Variants in SEC31B observed in about 807,000 individuals in gnomAD.
The protein encoded by SEC31B is protein transport protein Sec31B.
Under a neutral mutation model 135.0 loss-of-function variants are expected in SEC31B, and 113 were observed. The observed-to-expected ratio is 0.84, with a 90% confidence interval of 0.72 to 0.98. The LOEUF is 0.98. SEC31B is among the 50% of genes least tolerant of loss of function. The pLI is 0.00. For synonymous variants in SEC31B, 508 were observed against 549.4 expected (o/e 0.92, Z 1.05); for missense variants, 1,296 against 1,421.1 (o/e 0.91, Z 1.42).
At chr10:100,497,620 A>C (rs1851437164) in intron 16 of SEC31B, 47 bp downstream of exon 16, 12 of 1,613,800 alleles carry the variant, frequency 7.4e-6, no homozygotes, top group African/African-American at 1.3e-5. Context: ...CTTTGACTCC[A>C]TGCTGGAGTC....
rs1262122659 is a variant in SEC31B, at chr10:100,490,174, A to G, written c.2799T>C (p.Thr933=). ...GAGGAAGCAGAGGGAACAGTCTAGG[A>G]GTCTCAGGCAGGGAGGTAGAGCCAG... is the stretch of plus-strand genomic sequence containing the variant. ...MRPGSTSLPE[T]PRLFPLLPLR... is the part of the protein sequence containing the mutation. The change falls in exon 21 of 26, where the codon ACT becomes ACC. Residue 933 remains threonine, a synonymous_variant. Coordinates refer to ENST00000370345, the MANE Select transcript of SEC31B (RefSeq NM_015490.4). The G allele has an allele frequency of 2.5e-6, 4 of 1,607,006 alleles. No homozygotes were observed. The highest frequency in any genetic ancestry group is 3.3e-4 in the Middle Eastern group (2 of 6,018).
intron 11 of SEC31B, 39 bp from the exon 12 acceptor site, chr10:100,499,637 G>A: frequency 7.0e-7 from 1 of 1,420,760 alleles, no homozygotes; most frequent in Non-Finnish European, 9.8e-7. Context: ...TCCATTAAAT[G>A]AACATAAATG....
chr10:100,489,590 G>A, intron 22 of SEC31B, 113 bp downstream of exon 22: 5 of 1,488,630 alleles, frequency 3.4e-6, no homozygotes, highest in Non-Finnish European at 4.6e-6. Context: ...AGAGTAAGTG[G>A]GAGGAGGGCG....
chr10:100,516,510 G>A (rs886471256), intron 2 of SEC31B, among the ~76,000 whole-genome samples: 5 of 151,954 alleles, frequency 3.3e-5, no homozygotes, highest in Non-Finnish European at 5.9e-5. Flanking sequence ...TTAGCCAGAT[G>A]TGGTGGTGGG....
Position 100,498,740 on chromosome 10 carries a change from T to C in SEC31B, c.1649A>G (p.Gln550Arg). Reference protein sequence around the residue: ...SSAFFDELVPQNMTPWEIPIT... With the variant: ...SSAFFDELVPRNMTPWEIPIT... ...GGGGATCTCCCAAGGAGTCATGTTC[T>C]GAGGGACCAGCTCATCAAAGAAGGC... Residue 550 changes from glutamine (Q) to arginine (R), a missense_variant, in exon 14 of 26, where the codon CAG becomes CGG. Coordinates refer to ENST00000370345, the MANE Select transcript of SEC31B (RefSeq NM_015490.4). 1 of 1,613,878 alleles carries C rather than the reference T, an allele frequency of 6.2e-7. No individual in the cohort carries two copies. Among genetic ancestry groups the C allele is most frequent in the Non-Finnish European group, 8.5e-7 (1 of 1,179,848 alleles).
intron 5 of SEC31B, chr10:100,508,421 G>A (rs530012735): frequency 1.6e-4 from 79 of 487,736 alleles, no homozygotes; most frequent in African/African-American, 1.5e-3. Context: ...GAGGCCGAGA[G>A]AAAAACCACA....
intron 15 of SEC31B, 23 bp from the exon 16 acceptor site, chr10:100,497,816 G>A (rs373534944): frequency 1.2e-6 from 2 of 1,614,106 alleles, no homozygotes; most frequent in African/African-American, 1.3e-5. Context: ...GAGAGGGAAA[G>A]AGACCATCAG....
chr10:100,504,090 G>C (rs1052313410), intron 10 of SEC31B, among the ~76,000 whole-genome samples: 6 of 152,132 alleles, frequency 3.9e-5, no homozygotes, highest in Admixed American at 6.5e-5. Context: ...TTAATTTTCT[G>C]GGCAGGCATC....
intron 19 of SEC31B, among the ~76,000 whole-genome samples, chr10:100,492,628 T>C (rs1257678010): frequency 1.3e-5 from 2 of 152,156 alleles, no homozygotes; most frequent in African/African-American, 4.8e-5. Flanking sequence ...AAACTATCTA[T>C]TTGCAGATTT....
At chr10:100,512,845 T>G (rs1027293928) in intron 3 of SEC31B, among the ~76,000 whole-genome samples, 3 of 152,252 alleles carry the variant, frequency 2.0e-5, no homozygotes, top group Non-Finnish European at 4.4e-5. Flanking sequence ...AGAAGTTATC[T>G]GGTACAATCT....
In SEC31B at chr10:100,489,978, A is replaced by G. The variant is rs557857093; in HGVS notation, c.2965+30T>C. 2.3e-5 allele frequency: 36 copies of G among 1,533,226 alleles called. No homozygotes were observed. In the East Asian group the frequency reaches 7.4e-4, roughly 32 times the overall value. The allele number at this position is 1,533,226 out of a possible 1,614,324, so 95.0% of individuals were successfully genotyped here. ...AGAGGAGCAGGGGAGGCAATAACCC[A>G]GAAGAGGGATCCATGGAAGGAAGAC... On this transcript the variant is annotated intron_variant, in intron 21 of 25. Transcript: ENST00000370345.
intron 21 of SEC31B, 73 bp downstream of exon 21, chr10:100,489,935 A>G (rs1392979465): frequency 2.0e-6 from 3 of 1,530,702 alleles, no homozygotes; most frequent in Non-Finnish European, 1.8e-6. Context: ...GACTTGAGGA[A>G]AGACTCCCAA....
chr10:100,495,202 A>T, intron 19 of SEC31B, 183 bp downstream of exon 19: 1 of 633,582 alleles, frequency 1.6e-6, no homozygotes, highest in Non-Finnish European at 2.7e-6. Flanking sequence ...CAATTTTTGC[A>T]CCTTTATGTC....
At chr10:100,492,962 C>T (rs974084154) in intron 19 of SEC31B, among the ~76,000 whole-genome samples, 1 of 152,168 alleles carries the variant, frequency 6.6e-6, no homozygotes, top group African/African-American at 2.4e-5. Context: ...GACTGAAAGA[C>T]TGAACCTAGT....
Position 100,487,274 on chromosome 10 carries a change from T to C in SEC31B, c.*342A>G. Reference sequence around the variant, plus strand: ...GCAGAGGTAGGCTTAAAAGTAACAATCCTGTTCACCCTCTCAGAAGCCACT... The same window carrying C: ...GCAGAGGTAGGCTTAAAAGTAACAACCCTGTTCACCCTCTCAGAAGCCACT... On this transcript the variant is annotated 3_prime_UTR_variant, in exon 26 of 26. Coordinates refer to ENST00000370345, the MANE Select transcript of SEC31B (RefSeq NM_015490.4). The C allele has an allele frequency of 3.6e-6, 1 of 274,884 alleles. No homozygotes were observed. Among genetic ancestry groups the C allele is most frequent in the East Asian group, 1.0e-4 (1 of 9,822 alleles). 17.0% of individuals were successfully genotyped at this position (274,884 alleles called of 1,614,324 possible).
At chr10:100,487,975 T>C (rs1851214775) in intron 25 of SEC31B, 52 bp downstream of exon 25, 3 of 1,580,984 alleles carry the variant, frequency 1.9e-6, no homozygotes, top group Admixed American at 3.3e-5. Context: ...CCTTTGGCCA[T>C]GGTGATGGTG....
At chr10:100,492,242 G>A (rs1169246118) in intron 19 of SEC31B, among the ~76,000 whole-genome samples, 1 of 151,956 alleles carries the variant, frequency 6.6e-6, no homozygotes, top group Non-Finnish European at 1.5e-5. Context: ...TATTTTTTTT[G>A]AGACAGAGTT....
intron 3 of SEC31B, among the ~76,000 whole-genome samples, chr10:100,515,687 G>A (rs1329315013): frequency 1.3e-5 from 2 of 152,200 alleles, no homozygotes; most frequent in African/African-American, 4.8e-5. Flanking sequence ...TGAAATCCAT[G>A]AGAACCAATC....
In SEC31B at chr10:100,516,922, C is replaced by G. The variant is rs1410661539; in HGVS notation, c.31G>C (p.Val11Leu). ...TGGCTGGCTGGGCTCCATGCCTGGA[C>G]AGCTGGCCGCTCAAGTTCCTTCAGC... MKLKELERPAVQAWSPASQYP... is the reference protein window; with the variant it reads MKLKELERPALQAWSPASQYP... Residue 11 changes from valine to leucine, a missense_variant, in exon 2 of 26, where the codon GTC becomes CTC. Physicochemically the swap from Val to Leu is conservative, Grantham distance 32 (BLOSUM62 1). Transcript: ENST00000370345. 15 of 1,614,012 alleles carry G rather than the reference C, an allele frequency of 9.3e-6. No homozygotes were observed. In the East Asian group the frequency reaches 1.1e-4, roughly 12 times the overall value.
Sources: gnomAD v4.1 joint callset for allele counts (sites outside exome capture counted in the v4.1 genomes callset) on GRCh38, gnomAD v4.1.1 for gene constraint, MANE v1.5 for transcripts, NCBI Gene and HGNC (gene_info 2026-07-23, HGNC 2026-07-21) for gene names.